The following TMEM117 variants were observed in gnomAD, a reference collection of about 807,000 sequenced individuals.
TMEM117 encodes the protein transmembrane protein 117.
A neutral mutation model predicts 52.4 loss-of-function variants in TMEM117; 27 were observed. That is an observed-to-expected ratio of 0.51 (90% CI 0.38 to 0.71). The LOEUF is 0.71. Ranked by LOEUF, TMEM117 falls within the 30% of genes least tolerant of loss-of-function variation. The probability of loss-of-function intolerance (pLI) is 0.00; values close to 1 mark genes in which losing one functional copy is unlikely to be tolerated. For synonymous variants in TMEM117, 215 were observed against 206.3 expected (o/e 1.04, Z -0.36); for missense variants, 556 against 630.5 (o/e 0.88, Z 1.26).
At chr12:44,034,971 G>A (rs969904200) in intron 3 of TMEM117, among the ~76,000 whole-genome samples, 26 of 152,248 alleles carry the variant, frequency 1.7e-4, no homozygotes, top group African/African-American at 5.3e-4. Flanking sequence ...GTTGCTTCTC[G>A]CCTTAAGCTG....
At chr12:44,165,452 A>T (rs1948953303) in intron 4 of TMEM117, among the ~76,000 whole-genome samples, 1 of 152,206 alleles carries the variant, frequency 6.6e-6, no homozygotes. Flanking sequence ...AAAAATAATA[A>T]CATGACCAAA....
At position 44,136,879 on chromosome 12, in the gene TMEM117, T is replaced by C. The variant is rs372514669; in HGVS notation, c.411-6646T>C. Among the ~76,000 whole-genome samples, 3 of 152,242 alleles carry C rather than the reference T, an allele frequency of 2.0e-5. No individual in the cohort carries two copies. In the East Asian group the frequency reaches 5.8e-4, roughly 29 times the overall value. Reference sequence around the variant, plus strand: ...ATACAATAACGCTCTATTCTAACTTTGTTAGAGCATCATAATTACATGGCA... The same window carrying C: ...ATACAATAACGCTCTATTCTAACTTCGTTAGAGCATCATAATTACATGGCA... On this transcript the variant is annotated intron_variant, in intron 3 of 7. Coordinates refer to ENST00000266534, the MANE Select transcript of TMEM117 (RefSeq NM_032256.3).
chr12:44,219,940 A>G (rs1949766481), intron 5 of TMEM117, among the ~76,000 whole-genome samples: 1 of 152,248 alleles, frequency 6.6e-6, no homozygotes, highest in Admixed American at 6.5e-5. Context: ...TCAGACAAAC[A>G]TGAAGTCTTC....
At chr12:44,014,875 G>A (rs1426377776) in intron 3 of TMEM117, among the ~76,000 whole-genome samples, 1 of 151,576 alleles carries the variant, frequency 6.6e-6, no homozygotes, top group Non-Finnish European at 1.5e-5. Context: ...TACTGTGATC[G>A]GTATGTGAAA....
chr12:44,311,765 ATATGTATATATG>A (rs1565701162), intron 6 of TMEM117, among the ~76,000 whole-genome samples: 7 of 128,288 alleles, frequency 5.5e-5, no homozygotes, highest in African/African-American at 2.5e-4. Flanking sequence ...ATGTATATAT[ATATGTATATATG>A]TGTATATATG....
At chr12:44,330,095 G>A (rs1038823118) in intron 6 of TMEM117, among the ~76,000 whole-genome samples, 9 of 151,782 alleles carry the variant, frequency 5.9e-5, no homozygotes, top group Admixed American at 3.3e-4. Context: ...GTGCCGTACC[G>A]TTTACATTCC....
rs1391922659 is a variant in TMEM117 at position 44,039,608 on chromosome 12, C to A, written c.410+95266C>A. On this transcript the variant is annotated intron_variant, in intron 3 of 7. Transcript: ENST00000266534. ...TTTTATGAAATGCAAAAGTATAACA[C>A]ATTCACAGATTAAAATTCCCCAAAT... Among the ~76,000 whole-genome samples, 8 of 152,054 alleles carry A rather than the reference C, an allele frequency of 5.3e-5. No individual in the cohort carries two copies. The East Asian group carries it at 1.4e-3, about 26-fold the overall frequency.
At chr12:43,891,920 A>T (rs912384365) in intron 2 of TMEM117, among the ~76,000 whole-genome samples, 1 of 152,190 alleles carries the variant, frequency 6.6e-6, no homozygotes, top group Non-Finnish European at 1.5e-5. Flanking sequence ...CTTTAAAAAA[A>T]TCCATTTTTT....
At chr12:44,215,838 A>C (rs1173490078) in intron 5 of TMEM117, among the ~76,000 whole-genome samples, 2 of 151,806 alleles carry the variant, frequency 1.3e-5, no homozygotes, top group Non-Finnish European at 2.9e-5. Context: ...CCAGGTCTTC[A>C]CCTTCCAGAC....
chr12:44,047,894 A>G lies in TMEM117; in HGVS notation c.411-95631A>G, dbSNP rs114703429. 2.9e-3 allele frequency among the ~76,000 whole-genome samples: 438 copies of G among 152,294 alleles called. 4 individuals carry two copies. The highest frequency in any genetic ancestry group is 9.8e-3 in the African/African-American group (409 of 41,570). On this transcript the variant is annotated intron_variant, in intron 3 of 7. Coordinates refer to ENST00000266534, the MANE Select transcript of TMEM117 (RefSeq NM_032256.3). ...AATACCAAGGTTATACTGACCTAAA[A>G]TAAGTTGAGAAAAGTTCCCTCTTTA...
the TMEM117 span, among the ~76,000 whole-genome samples, chr12:43,830,087 CAA>C: frequency 0.052 from 3,734 of 72,388 alleles, 56 homozygotes; most frequent in South Asian, 0.12. Flanking sequence ...GACTCTGTCT[CAA>C]AAAAAAAAAA....
chr12:44,278,790 C>T (rs1339604714), intron 5 of TMEM117, among the ~76,000 whole-genome samples: 1 of 152,196 alleles, frequency 6.6e-6, no homozygotes, highest in African/African-American at 2.4e-5. Flanking sequence ...AAACCCAGTC[C>T]ATATCCCCTA....
At chr12:44,207,589 G>T (rs1252714213) in intron 4 of TMEM117, among the ~76,000 whole-genome samples, 1 of 151,978 alleles carries the variant, frequency 6.6e-6, no homozygotes, top group Non-Finnish European at 1.5e-5. Flanking sequence ...TGATAGTCTT[G>T]TCTTTATAGA....
intron 5 of TMEM117, among the ~76,000 whole-genome samples, chr12:44,223,674 A>G (rs1388938961): frequency 6.6e-6 from 1 of 152,170 alleles, no homozygotes; most frequent in Non-Finnish European, 1.5e-5. Flanking sequence ...CCTCTTCTAT[A>G]TAAACTATGA....
intron 5 of TMEM117, among the ~76,000 whole-genome samples, chr12:44,214,720 GTAAC>G (rs1021222981): frequency 6.6e-6 from 1 of 152,068 alleles, no homozygotes; most frequent in Admixed American, 6.6e-5. Flanking sequence ...ATTGCATAAA[GTAAC>G]TGAAGAACAA....
At chr12:44,048,175 T>C (rs568271905) in intron 3 of TMEM117, among the ~76,000 whole-genome samples, 1 of 152,186 alleles carries the variant, frequency 6.6e-6, no homozygotes, top group Non-Finnish European at 1.5e-5. Context: ...TACACTCTTA[T>C]AGTTAGAGAT....
At chr12:43,877,811 G>A (rs1038533879) in intron 2 of TMEM117, among the ~76,000 whole-genome samples, 3 of 151,342 alleles carry the variant, frequency 2.0e-5, no homozygotes, top group Non-Finnish European at 4.4e-5. Context: ...GTTAACTCAT[G>A]GTAATGCCCA....
intron 1 of TMEM117, among the ~76,000 whole-genome samples, chr12:43,837,765 A>G (rs1052790695): frequency 1.2e-4 from 19 of 152,228 alleles, no homozygotes; most frequent in African/African-American, 2.4e-5. Flanking sequence ...TGCCATTTCA[A>G]TGGAGAGTTT....
At chr12:43,898,682 C>T (rs998456203) in intron 2 of TMEM117, among the ~76,000 whole-genome samples, 11 of 152,206 alleles carry the variant, frequency 7.2e-5, no homozygotes, top group African/African-American at 2.4e-4. Context: ...CATGTGATGT[C>T]GGTGTTAAAT....
Sources: allele counts gnomAD v4.1 joint callset (sites outside exome capture counted in the v4.1 genomes callset), GRCh38; gene constraint gnomAD v4.1.1; transcripts MANE v1.5; gene names NCBI Gene and HGNC (gene_info 2026-07-23, HGNC 2026-07-21).